SLIT3: variants seen among roughly 807,000 people sequenced by gnomAD.
SLIT3 encodes slit guidance ligand 3, also known as slit homolog 3 protein.
A neutral mutation model predicts 184.0 loss-of-function variants in SLIT3; 68 were observed. The ratio of observed to expected loss-of-function variants is 0.37; its 90% CI spans 0.30 to 0.45. The LOEUF is 0.45. Ranked by LOEUF, SLIT3 falls within the 20% of genes least tolerant of loss-of-function variation. The pLI is 1.00. For synonymous variants in SLIT3, 831 were observed against 828.6 expected (o/e 1.00, Z -0.05); for missense variants, 1,707 against 2,026.0 (o/e 0.84, Z 3.02).
intron 4 of SLIT3, among the ~76,000 whole-genome samples, chr5:169,123,253 C>T (rs1366785872): frequency 1.3e-5 from 2 of 152,090 alleles, no homozygotes; most frequent in African/African-American, 2.4e-5. Flanking sequence ...CAGGAACAAA[C>T]ATCAAATTTA....
Position 168,712,229 on chromosome 5 carries a change from ACTTTCATG to A in SLIT3, c.2555+46_2555+53del, listed in dbSNP as rs1163155395. 4.7e-6 allele frequency: 7 copies of A among 1,492,550 alleles called. No homozygotes were observed. In the East Asian group the frequency reaches 1.6e-4, roughly 34 times the overall value. The allele number at this position is 1,492,550 out of a possible 1,614,324, so 92.5% of individuals were successfully genotyped here. On this transcript the variant is annotated intron_variant, in intron 24 of 35. Coordinates refer to ENST00000519560, the MANE Select transcript of SLIT3 (RefSeq NM_003062.4). The stretch of plus-strand genomic sequence containing the variant: ...TGACAGTGATGACATTGTCGCTGAC[ACTTTCATG>A]CTTTCATGTTTTGAATGTTCATTGG...
intron 4 of SLIT3, among the ~76,000 whole-genome samples, chr5:168,978,915 G>T (rs1161709539): frequency 2.0e-5 from 3 of 151,374 alleles, no homozygotes; most frequent in South Asian, 2.1e-4. Context: ...GCTCATTTCA[G>T]GGGGGTGTAG....
intron 3 of SLIT3, among the ~76,000 whole-genome samples, chr5:169,216,350 T>C (rs1395145820): frequency 2.6e-5 from 4 of 152,212 alleles, no homozygotes; most frequent in African/African-American, 9.7e-5. Context: ...TTGAGCTCCA[T>C]TCCGTCCCTT....
chr5:169,224,752 T>C (rs1408877331), intron 3 of SLIT3, among the ~76,000 whole-genome samples: 1 of 152,168 alleles, frequency 6.6e-6, no homozygotes, highest in Non-Finnish European at 1.5e-5. Context: ...AGTGGTGCGA[T>C]CTTGGCTCAC....
At chr5:168,884,565 T>G (rs1467461599) in intron 4 of SLIT3, among the ~76,000 whole-genome samples, 1 of 121,178 alleles carries the variant, frequency 8.3e-6, no homozygotes, top group African/African-American at 3.0e-5. Flanking sequence ...TATATATATA[T>G]ATATATATAT....
At chr5:169,168,961 T>G (rs1490486064) in intron 4 of SLIT3, among the ~76,000 whole-genome samples, 1 of 152,152 alleles carries the variant, frequency 6.6e-6, no homozygotes, top group Non-Finnish European at 1.5e-5. Flanking sequence ...ACCAAAGCAC[T>G]AGGGAGCCTG....
At chr5:168,696,160 G>C in intron 28 of SLIT3, 132 bp downstream of exon 28, 1 of 1,130,922 alleles carries the variant, frequency 8.8e-7, no homozygotes. Flanking sequence ...GCCCCTCTTG[G>C]CATATCACAG....
At chr5:168,914,488 AGCT>A (rs1480393471) in intron 4 of SLIT3, among the ~76,000 whole-genome samples, 3 of 152,164 alleles carry the variant, frequency 2.0e-5, no homozygotes, top group Non-Finnish European at 4.4e-5. Flanking sequence ...ACTTTCCACT[AGCT>A]GCTGCTGCCG....
chr5:168,665,208 C>T lies in SLIT3; in HGVS notation c.*1246G>A, dbSNP rs1484108363. The T allele has an allele frequency of 2.0e-5, 3 of 152,318 alleles. No homozygotes were observed. The East Asian group carries it at 5.8e-4, about 29-fold the overall frequency. The allele number at this position is 152,318 out of a possible 1,614,324, so 9.4% of individuals were successfully genotyped here. On this transcript the variant is annotated 3_prime_UTR_variant, in exon 36 of 36. Transcript: ENST00000519560. ...AGTGAACCCAGCTCTACTCCCTTAT[C>T]CTTCCCAGGGAGGCAGGGGTTGCAT...
At chr5:168,992,733 G>A (rs954445594) in intron 4 of SLIT3, among the ~76,000 whole-genome samples, 1 of 152,164 alleles carries the variant, frequency 6.6e-6, no homozygotes, top group East Asian at 1.9e-4. Flanking sequence ...GGGTTCCAAG[G>A]GACAGAGTCT....
intron 31 of SLIT3, among the ~76,000 whole-genome samples, chr5:168,684,745 C>T (rs550687014): frequency 6.0e-4 from 91 of 152,138 alleles, no homozygotes; most frequent in African/African-American, 1.9e-3. Context: ...GCTGGGCTTA[C>T]AGGCGTGAGC....
At chr5:168,781,495 G>C (rs371964108) in intron 12 of SLIT3, among the ~76,000 whole-genome samples, 1 of 152,116 alleles carries the variant, frequency 6.6e-6, no homozygotes, top group Non-Finnish European at 1.5e-5. Context: ...CCTCAAGAAC[G>C]CATCGCCAAG....
chr5:168,781,357 T>G (rs1036250073), intron 12 of SLIT3, among the ~76,000 whole-genome samples: 1 of 152,182 alleles, frequency 6.6e-6, no homozygotes, highest in Non-Finnish European at 1.5e-5. Context: ...CCTATCTGAT[T>G]GCCACATGGT....
intron 6 of SLIT3, among the ~76,000 whole-genome samples, chr5:168,831,361 G>A (rs548764042): frequency 5.9e-5 from 9 of 152,146 alleles, no homozygotes; most frequent in East Asian, 1.9e-4. Flanking sequence ...CATCTCTTTC[G>A]CATTACCTGC....
At chr5:168,767,618 C>T (rs1360807136) in intron 14 of SLIT3, among the ~76,000 whole-genome samples, 1 of 152,212 alleles carries the variant, frequency 6.6e-6, no homozygotes, top group East Asian at 1.9e-4. Flanking sequence ...TCAGAAGGAA[C>T]CTTGGGTTAA....
intron 4 of SLIT3, among the ~76,000 whole-genome samples, chr5:168,997,703 C>A (rs1004658572): frequency 1.3e-5 from 2 of 152,140 alleles, no homozygotes; most frequent in Non-Finnish European, 2.9e-5. Context: ...AAACTCCTAA[C>A]TCTGCTGGGA....
intron 1 of SLIT3, among the ~76,000 whole-genome samples, chr5:169,287,136 G>C (rs1221365787): frequency 6.6e-6 from 1 of 152,172 alleles, no homozygotes; most frequent in East Asian, 1.9e-4. Context: ...AAGGGGAGGG[G>C]TGTTGGTAGG....
chr5:169,260,424 G>A, intron 1 of SLIT3, among the ~76,000 whole-genome samples: 1 of 152,178 alleles, frequency 6.6e-6, no homozygotes, highest in East Asian at 1.9e-4. Context: ...GGGGATGCAG[G>A]AAGGATCAGA....
chr5:169,166,475 T>C (rs1282330405), intron 4 of SLIT3, among the ~76,000 whole-genome samples: 1 of 152,018 alleles, frequency 6.6e-6, no homozygotes, highest in African/African-American at 2.4e-5. Flanking sequence ...CACATCTCGG[T>C]CTGCATGCTA....
Sources: gnomAD v4.1 joint callset for allele counts (sites outside exome capture counted in the v4.1 genomes callset) on GRCh38, gnomAD v4.1.1 for gene constraint, MANE v1.5 for transcripts, NCBI Gene and HGNC (gene_info 2026-07-23, HGNC 2026-07-21) for gene names.